Variants in MYO1D observed in about 807,000 individuals in gnomAD.
MYO1D encodes myosin ID.
Under a neutral mutation model 122.0 loss-of-function variants are expected in MYO1D, and 83 were observed. That is an observed-to-expected ratio of 0.68 (90% confidence interval 0.57 to 0.82). The LOEUF is 0.82. MYO1D is among the 40% of genes least tolerant of loss of function. The pLI, the probability that MYO1D is intolerant of heterozygous loss-of-function variation, is 0.00. For synonymous variants in MYO1D, 464 were observed against 446.9 expected, an observed-to-expected ratio of 1.04 and a Z score of -0.48; for missense variants, 1,157 against 1,269.5, an observed-to-expected ratio of 0.91 and a Z score of 1.35.
chr17:32,690,804 G>A (rs1809397479), intron 16 of MYO1D, among the ~76,000 whole-genome samples: 1 of 152,162 alleles, frequency 6.6e-6, no homozygotes, highest in African/African-American at 2.4e-5. Flanking sequence ...ACAGCCTGCA[G>A]AACCATCAGC....
chr17:32,767,543 C>T, intron 7 of MYO1D, 93 bp downstream of exon 7: 1 of 779,048 alleles, frequency 1.3e-6, no homozygotes, highest in Non-Finnish European at 2.0e-6. Flanking sequence ...TCTCTGAATA[C>T]TTTTTAAATC....
At chr17:32,816,890 A>G (rs1448155361) in intron 1 of MYO1D, among the ~76,000 whole-genome samples, 1 of 152,208 alleles carries the variant, frequency 6.6e-6, no homozygotes, top group Non-Finnish European at 1.5e-5. Context: ...ATTTTTTTAA[A>G]TAATAAAAAA....
At chr17:32,646,997 T>G (rs1246331361) in intron 19 of MYO1D, among the ~76,000 whole-genome samples, 1 of 152,232 alleles carries the variant, frequency 6.6e-6, no homozygotes, top group Non-Finnish European at 1.5e-5. Flanking sequence ...CTGTATTAGA[T>G]AAACCCTCAT....
intron 16 of MYO1D, among the ~76,000 whole-genome samples, chr17:32,687,322 A>C (rs184374603): frequency 1.3e-5 from 2 of 151,194 alleles, no homozygotes; most frequent in Non-Finnish European, 3.0e-5. Context: ...TCAGCCTCCC[A>C]AGTAGCTGGG....
chr17:32,637,777 G>A (rs1277074497), intron 20 of MYO1D, among the ~76,000 whole-genome samples: 1 of 152,062 alleles, frequency 6.6e-6, no homozygotes, highest in African/African-American at 2.4e-5. Context: ...GAGGGGGTTG[G>A]GTGAGGGGTG....
At chr17:32,551,934 C>T (rs1301927397) in intron 21 of MYO1D, among the ~76,000 whole-genome samples, 1 of 152,212 alleles carries the variant, frequency 6.6e-6, no homozygotes, top group East Asian at 1.9e-4. Context: ...AAATCTCCTC[C>T]AGTAAACAAA....
At chr17:32,782,661 C>G (rs544415149) in intron 1 of MYO1D, among the ~76,000 whole-genome samples, 4 of 152,204 alleles carry the variant, frequency 2.6e-5, no homozygotes, top group Non-Finnish European at 4.4e-5. Flanking sequence ...TCTGGCCAGA[C>G]GCAGTGGCTC....
chr17:32,778,627 C>T, intron 2 of MYO1D, 54 bp from the exon 3 acceptor site: 1 of 1,432,532 alleles, frequency 7.0e-7, no homozygotes, highest in East Asian at 2.3e-5. Context: ...CAAGAGTAAG[C>T]TAATTTTTAA....
At chr17:32,584,081 G>A (rs1432769152) in intron 21 of MYO1D, among the ~76,000 whole-genome samples, 1 of 152,100 alleles carries the variant, frequency 6.6e-6, no homozygotes, top group Non-Finnish European at 1.5e-5. Context: ...TGGGATTACA[G>A]GGGTGAGCCA....
At chr17:32,520,619 C>T (rs773582232) in intron 21 of MYO1D, among the ~76,000 whole-genome samples, 2 of 152,248 alleles carry the variant, frequency 1.3e-5, no homozygotes, top group Non-Finnish European at 2.9e-5. Context: ...TGCCTCCCGA[C>T]TGCCCTGCTC....
At position 32,830,830 on chromosome 17, in the gene MYO1D, C is replaced by A. The variant is rs553039334; in HGVS notation, c.95+45948G>T. Among the ~76,000 whole-genome samples, 335 of 152,228 alleles carry A rather than the reference C, an allele frequency of 2.2e-3. 6 individuals are homozygous for A. Among genetic ancestry groups the A allele is most frequent in the African/African-American group, 7.6e-3 (314 of 41,544 alleles). On this transcript the variant is annotated intron_variant, in intron 1 of 21. Coordinates refer to ENST00000318217, the MANE Select transcript of MYO1D (RefSeq NM_015194.3). ...ATCCCAGCACTTTGGGAGATCGAGG[C>A]GGGCAGATCACGAAGTCAGGAGATG...
intron 14 of MYO1D, among the ~76,000 whole-genome samples, chr17:32,737,156 C>T (rs2089713030): frequency 6.6e-6 from 1 of 152,058 alleles, no homozygotes; most frequent in African/African-American, 2.4e-5. Context: ...GAAGAAACTA[C>T]ATAGGAGAAG....
chr17:32,626,808 GA>G (rs2087933454), intron 20 of MYO1D, among the ~76,000 whole-genome samples: 1 of 152,194 alleles, frequency 6.6e-6, no homozygotes, highest in South Asian at 2.1e-4. Context: ...CAAAAAAAGA[GA>G]GAGAATGTGG....
At chr17:32,679,399 C>T (rs1036119677) in intron 16 of MYO1D, among the ~76,000 whole-genome samples, 9 of 151,966 alleles carry the variant, frequency 5.9e-5, no homozygotes, top group East Asian at 1.9e-4. Flanking sequence ...TTAGGTCTAA[C>T]GTTTAAATCT....
chr17:32,841,960 G>A (rs2151074443), intron 1 of MYO1D, among the ~76,000 whole-genome samples: 1 of 152,286 alleles, frequency 6.6e-6, no homozygotes, highest in South Asian at 2.1e-4. Flanking sequence ...ATAAGAGAGA[G>A]AGAGAGCAGT....
chr17:32,583,678 T>C (rs2087362134), intron 21 of MYO1D, among the ~76,000 whole-genome samples: 1 of 152,172 alleles, frequency 6.6e-6, no homozygotes, highest in Admixed American at 6.5e-5. Flanking sequence ...CCACTGTAGT[T>C]TAATATCAGA....
chr17:32,573,937 C>T (rs780533928), intron 21 of MYO1D, among the ~76,000 whole-genome samples: 1 of 152,178 alleles, frequency 6.6e-6, no homozygotes, highest in Non-Finnish European at 1.5e-5. Flanking sequence ...CTGCAGGCTC[C>T]GCCCCCCAGG....
chr17:32,691,259 C>CAA (rs35755676), intron 16 of MYO1D, among the ~76,000 whole-genome samples: 6 of 122,004 alleles, frequency 4.9e-5, no homozygotes, highest in African/African-American at 1.6e-4. Flanking sequence ...GACACTGCCT[C>CAA]AAAAAAAAAA....
At chr17:32,837,487 CTTTCTTTT>C (rs2151071175) in intron 1 of MYO1D, among the ~76,000 whole-genome samples, 1 of 152,104 alleles carries the variant, frequency 6.6e-6, no homozygotes, top group South Asian at 2.1e-4. Flanking sequence ...TATTTTCTTT[CTTTCTTTT>C]TGCATCCCTA....
Sources: allele counts gnomAD v4.1 joint callset (sites outside exome capture counted in the v4.1 genomes callset), GRCh38; gene constraint gnomAD v4.1.1; transcripts MANE v1.5; gene names NCBI Gene and HGNC (gene_info 2026-07-23, HGNC 2026-07-21).